The following PHLPP2 variants were observed in gnomAD, a reference collection of about 807,000 sequenced individuals.
PHLPP2 encodes PH domain leucine-rich repeat-containing protein phosphatase 2.
Under a neutral mutation model 124.9 loss-of-function variants are expected in PHLPP2, and 66 were observed. That is an observed-to-expected ratio of 0.53 (90% confidence interval 0.43 to 0.65). The LOEUF is 0.65. Among genes scored for constraint, PHLPP2 ranks in the 30% least tolerant of loss-of-function variants. The pLI is 0.00. For synonymous variants in PHLPP2, 681 were observed against 624.7 expected (o/e 1.09, Z -1.34); for missense variants, 1,685 against 1,600.4 (o/e 1.05, Z -0.90).
intron 3 of PHLPP2, among the ~76,000 whole-genome samples, chr16:71,697,388 A>C (rs1043530177): frequency 6.6e-6 from 1 of 152,030 alleles, no homozygotes; most frequent in Non-Finnish European, 1.5e-5. Context: ...CATACAATGG[A>C]AGAAAATTTT....
intron 5 of PHLPP2, 74 bp downstream of exon 5, chr16:71,684,402 A>T (rs952782970): frequency 1.1e-5 from 16 of 1,502,422 alleles, no homozygotes; most frequent in Non-Finnish European, 1.4e-5. Flanking sequence ...CTGGGATTAC[A>T]GACGTGAGCC....
Position 71,663,928 on chromosome 16 carries a change from T to C in PHLPP2, c.1956A>G (p.Ala652=). Reference sequence around the variant, plus strand: ...CAGGAAAGGTCTGTAACTGATTGTTTGCAAGGTGCAAGATTCGCAGGTGCA... The same window carrying C: ...CAGGAAAGGTCTGTAACTGATTGTTCGCAAGGTGCAAGATTCGCAGGTGCA... ...GHLHLRILHL[A]NNQLQTFPAS... Residue 652 remains alanine (A), a synonymous_variant, in exon 13 of 19, where the codon GCA becomes GCG. Transcript: ENST00000568954. The C allele has an allele frequency of 6.2e-7, 1 of 1,614,160 alleles. No homozygotes were observed. Among genetic ancestry groups the C allele is most frequent in the South Asian group, 1.1e-5 (1 of 91,084 alleles).
At chr16:71,711,083 A>G (rs1047663438) in intron 2 of PHLPP2, among the ~76,000 whole-genome samples, 1 of 152,186 alleles carries the variant, frequency 6.6e-6, no homozygotes, top group African/African-American at 2.4e-5. Flanking sequence ...TAATCCCAGC[A>G]CTTTGGGAGG....
chr16:71,651,126 G>C (rs1031503376), intron 18 of PHLPP2, among the ~76,000 whole-genome samples: 1 of 152,164 alleles, frequency 6.6e-6, no homozygotes, highest in African/African-American at 2.4e-5. Context: ...GATCACCTGA[G>C]ATGGGAGTTG....
intron 1 of PHLPP2, among the ~76,000 whole-genome samples, chr16:71,717,087 G>C (rs181349495): frequency 9.8e-5 from 15 of 152,350 alleles, no homozygotes; most frequent in African/African-American, 2.6e-4. Context: ...GAACAAACTT[G>C]GGGGGGAAAA....
chr16:71,660,525 A>T (rs1596991171), intron 13 of PHLPP2, among the ~76,000 whole-genome samples: 1 of 137,848 alleles, frequency 7.3e-6, no homozygotes, highest in Non-Finnish European at 1.5e-5. Context: ...TCCTGGGTTC[A>T]CACCATTCTC....
Position 71,658,383 on chromosome 16 carries a change from T to C in PHLPP2, c.2149-20A>G, listed in dbSNP as rs2044759624. ...TACAAACTAAGAAAAAATTGAGAAATCAAAAGAAAATACATCACAGAGACT... is the reference window on the plus strand; with the variant it reads ...TACAAACTAAGAAAAAATTGAGAAACCAAAAGAAAATACATCACAGAGACT... On this transcript the variant is annotated intron_variant, in intron 14 of 18. Coordinates refer to ENST00000568954, the MANE Select transcript of PHLPP2 (RefSeq NM_015020.3). 1 of 1,608,606 alleles carries C rather than the reference T, an allele frequency of 6.2e-7. No homozygotes were observed. Among genetic ancestry groups the C allele is most frequent in the Non-Finnish European group, 8.5e-7 (1 of 1,176,816 alleles).
In PHLPP2 at chr16:71,648,185, A is replaced by T. The variant is rs1214235675; in HGVS notation, c.*705T>A. The T allele has an allele frequency of 6.5e-6, 1 of 152,722 alleles. No individual in the cohort carries two copies. 9.5% of individuals were successfully genotyped at this position (152,722 alleles called of 1,614,324 possible). On this transcript the variant is annotated 3_prime_UTR_variant, in exon 19 of 19. Coordinates refer to ENST00000568954, the MANE Select transcript of PHLPP2 (RefSeq NM_015020.3). ...GATTTCTCTGTCACAGAGATCCATC[A>T]GCAGCAACTAGTAAAGAGAATCAAT...
At chr16:71,663,724 AC>A (rs1382549161) in intron 13 of PHLPP2, among the ~76,000 whole-genome samples, 174 bp downstream of exon 13, 1 of 152,206 alleles carries the variant, frequency 6.6e-6, no homozygotes. Context: ...GGTTACCAAT[AC>A]TTAACAGGGT....
intron 3 of PHLPP2, among the ~76,000 whole-genome samples, chr16:71,699,434 C>T (rs577909622): frequency 1.3e-5 from 2 of 152,288 alleles, no homozygotes; most frequent in South Asian, 4.1e-4. Context: ...CAGGGAGAGG[C>T]GACTTGACTT....
intron 2 of PHLPP2, among the ~76,000 whole-genome samples, chr16:71,709,003 A>C (rs1171185197): frequency 1.3e-5 from 2 of 152,186 alleles, no homozygotes; most frequent in African/African-American, 4.8e-5. Flanking sequence ...ATTTTAAAAA[A>C]TTCTGCCAAT....
chr16:71,710,963 G>C (rs995888725), intron 2 of PHLPP2, among the ~76,000 whole-genome samples: 2 of 152,164 alleles, frequency 1.3e-5, no homozygotes, highest in African/African-American at 2.4e-5. Flanking sequence ...TCAATTTATA[G>C]TATATCCATA....
rs2044669410 is a variant in PHLPP2, at chr16:71,648,582, C to T, written c.*308G>A. 3 of 329,428 alleles carry T rather than the reference C, an allele frequency of 9.1e-6. No individual in the cohort carries two copies. Among genetic ancestry groups the T allele is most frequent in the Non-Finnish European group, 1.1e-5 (2 of 179,392 alleles). 20.4% of individuals were successfully genotyped at this position (329,428 alleles called of 1,614,324 possible). On this transcript the variant is annotated 3_prime_UTR_variant, in exon 19 of 19. Transcript: ENST00000568954. ...GTCAAGAGTTCAACACCAGCCTGGC[C>T]AACATGGTGAAACCCCGTCTCTAAA...
chr16:71,647,612 A>G lies in PHLPP2; in HGVS notation c.*1278T>C, dbSNP rs4788822. The stretch of plus-strand genomic sequence containing the variant: ...AGGTCACGTGGATGCAAGCAGTGTC[A>G]GCCTTGGGCCCCCGCTCCCCGCCCT... On this transcript the variant is annotated 3_prime_UTR_variant, in exon 19 of 19. Transcript: ENST00000568954. 127,606 of 152,252 alleles carry G rather than the reference A, an allele frequency of 0.84. 53,728 individuals carry two copies. Among genetic ancestry groups the G allele is most frequent in the East Asian group, 0.99 (5,133 of 5,182 alleles). The allele number at this position is 152,252 out of a possible 1,614,324, so 9.4% of individuals were successfully genotyped here. A position where few individuals can be genotyped will look rare whatever the true frequency, so the allele number is the denominator to read the frequency against.
chr16:71,710,342 T>G (rs946902144), intron 2 of PHLPP2, among the ~76,000 whole-genome samples: 2 of 152,174 alleles, frequency 1.3e-5, no homozygotes, highest in African/African-American at 4.8e-5. Context: ...TTCTATAAAT[T>G]AGTAATTCTT....
intron 15 of PHLPP2, 131 bp from the exon 16 acceptor site, chr16:71,656,812 G>A (rs924206220): frequency 3.5e-6 from 2 of 568,632 alleles, no homozygotes; most frequent in Non-Finnish European, 6.3e-6. Context: ...GTGCAGTGGT[G>A]TGACCTCAGC....
At chr16:71,683,162 C>A (rs1367726185) in intron 5 of PHLPP2, among the ~76,000 whole-genome samples, 1 of 150,978 alleles carries the variant, frequency 6.6e-6, no homozygotes, top group African/African-American at 2.4e-5. Flanking sequence ...CAGTGAGACT[C>A]TGTCTCCAAA....
intron 1 of PHLPP2, among the ~76,000 whole-genome samples, chr16:71,718,358 T>C: frequency 6.6e-6 from 1 of 152,000 alleles, no homozygotes. Flanking sequence ...GGCAGGCGGA[T>C]CACAAGGTCA....
At position 71,723,910 on chromosome 16, in the gene PHLPP2, C is replaced by A. The variant is rs776113102; in HGVS notation, c.-7+419G>T. 1.2e-3 allele frequency: 992 copies of A among 808,236 alleles called. 6 individuals are homozygous for A. The highest frequency in any genetic ancestry group is 6.9e-3 in the South Asian group (122 of 17,592). 50.1% of individuals were successfully genotyped at this position (808,236 alleles called of 1,614,324 possible). ...CAGAGACGCCCGGCCCGCGCGACGG[C>A]GTGCGGAGCCTCGGCGGCGCGCGCG... is the stretch of plus-strand genomic sequence containing the variant. On this transcript the variant is annotated intron_variant, in intron 1 of 18. Transcript: ENST00000568954.
Sources: allele counts gnomAD v4.1 joint callset (sites outside exome capture counted in the v4.1 genomes callset), GRCh38; gene constraint gnomAD v4.1.1; transcripts MANE v1.5; gene names NCBI Gene and HGNC (gene_info 2026-07-23, HGNC 2026-07-21).